The following L3MBTL4 variants were observed in gnomAD, a reference collection of about 807,000 sequenced individuals.
The protein encoded by L3MBTL4 is L3MBTL histone methyl-lysine binding protein 4, also known as lethal(3)malignant brain tumor-like protein 4.
In L3MBTL4, 70 loss-of-function variants were observed where a neutral mutation model predicts 84.5. The ratio of observed to expected loss-of-function variants is 0.83; its 90% CI spans 0.68 to 1.01. The LOEUF is 1.01. L3MBTL4 is among the 50% of genes least tolerant of loss of function. L3MBTL4 has a pLI of 0.00. For missense variants in L3MBTL4, 715 were observed against 754.8 expected (o/e 0.95, Z 0.62); for synonymous variants, 274 against 259.8 (o/e 1.05, Z -0.52).
chr18:6,116,012 G>T (rs1037046717), intron 14 of L3MBTL4, among the ~76,000 whole-genome samples: 12 of 152,174 alleles, frequency 7.9e-5, no homozygotes, highest in Non-Finnish European at 1.0e-4. Context: ...AGCATCTTGG[G>T]AGTGGGTCAA....
intron 1 of L3MBTL4, among the ~76,000 whole-genome samples, chr18:6,349,068 A>G (rs1237943022): frequency 6.6e-6 from 1 of 152,250 alleles, no homozygotes; most frequent in East Asian, 1.9e-4. Flanking sequence ...AGAAGCAATT[A>G]AAACTCTCGT....
chr18:6,274,688 ATAC>A (rs2049008049), intron 4 of L3MBTL4, among the ~76,000 whole-genome samples: 3 of 152,176 alleles, frequency 2.0e-5, no homozygotes, highest in Non-Finnish European at 4.4e-5. Flanking sequence ...TTTAAAAAAG[ATAC>A]TACTGATGGC....
chr18:6,125,634 TGTC>T, intron 14 of L3MBTL4, among the ~76,000 whole-genome samples: 1 of 152,294 alleles, frequency 6.6e-6, no homozygotes, highest in East Asian at 1.9e-4. Context: ...CTTACTATGT[TGTC>T]CAGGCTGGTC....
chr18:6,132,713 A>T (rs2059909696), intron 14 of L3MBTL4, among the ~76,000 whole-genome samples: 1 of 152,238 alleles, frequency 6.6e-6, no homozygotes, highest in African/African-American at 2.4e-5. Context: ...ATTAGATAAT[A>T]CAAAGAAGAA....
chr18:6,202,251 A>G (rs1037282083), intron 12 of L3MBTL4, among the ~76,000 whole-genome samples: 1 of 152,192 alleles, frequency 6.6e-6, no homozygotes. Context: ...TTTGTGAATC[A>G]TTCTTCATTC....
intron 16 of L3MBTL4, among the ~76,000 whole-genome samples, chr18:6,037,126 G>C (rs899238540): frequency 2.6e-5 from 4 of 152,178 alleles, no homozygotes; most frequent in African/African-American, 9.7e-5. Context: ...GCAATCAGCA[G>C]TCAGAGCACA....
At chr18:6,279,748 C>T (rs1199063507) in intron 4 of L3MBTL4, among the ~76,000 whole-genome samples, 4 of 152,084 alleles carry the variant, frequency 2.6e-5, no homozygotes, top group African/African-American at 9.7e-5. Flanking sequence ...TGAATACCAC[C>T]CTGTAAGTCA....
chr18:6,248,003 C>T (rs2047756120), intron 5 of L3MBTL4, among the ~76,000 whole-genome samples: 1 of 152,012 alleles, frequency 6.6e-6, no homozygotes, highest in Non-Finnish European at 1.5e-5. Flanking sequence ...TAGTTACATA[C>T]AAAATGCACA....
chr18:6,158,722 T>C (rs1004438898), intron 13 of L3MBTL4, among the ~76,000 whole-genome samples: 1 of 152,108 alleles, frequency 6.6e-6, no homozygotes, highest in African/African-American at 2.4e-5. Context: ...TACTTACACA[T>C]GGTAGAAGGT....
intron 1 of L3MBTL4, among the ~76,000 whole-genome samples, chr18:6,330,632 C>T (rs1378966209): frequency 1.3e-5 from 2 of 152,234 alleles, no homozygotes; most frequent in East Asian, 3.8e-4. Context: ...TTATTTCCAC[C>T]TTTCCATACA....
At chr18:6,165,948 G>C (rs184121579) in intron 13 of L3MBTL4, among the ~76,000 whole-genome samples, 2 of 152,052 alleles carry the variant, frequency 1.3e-5, no homozygotes. Context: ...CTCACGTGCA[G>C]AGACACACAT....
intron 1 of L3MBTL4, among the ~76,000 whole-genome samples, chr18:6,356,342 C>G (rs1030409949): frequency 6.6e-6 from 1 of 152,236 alleles, no homozygotes; most frequent in African/African-American, 2.4e-5. Flanking sequence ...CTGCCAAACT[C>G]TATTTGTCCC....
intron 16 of L3MBTL4, among the ~76,000 whole-genome samples, chr18:6,014,145 C>T (rs2054856669): frequency 6.6e-6 from 1 of 152,166 alleles, no homozygotes; most frequent in African/African-American, 2.4e-5. Flanking sequence ...TCCTATGGGG[C>T]TGTTGTTGGG....
intron 16 of L3MBTL4, chr18:6,030,794 A>G (rs2058283830): frequency 1.0e-6 from 1 of 984,950 alleles, no homozygotes. Flanking sequence ...CATTGCATTA[A>G]AAACGTCTTA....
At chr18:6,195,231 A>G (rs1260751121) in intron 12 of L3MBTL4, among the ~76,000 whole-genome samples, 1 of 152,152 alleles carries the variant, frequency 6.6e-6, no homozygotes, top group African/African-American at 2.4e-5. Flanking sequence ...GTCCATCAGT[A>G]ACCAGGGTCT....
At chr18:6,313,074 G>C (rs1293255824) in intron 1 of L3MBTL4, among the ~76,000 whole-genome samples, 1 of 152,122 alleles carries the variant, frequency 6.6e-6, no homozygotes, top group Non-Finnish European at 1.5e-5. Context: ...TTTCTACATT[G>C]CATTTCTTGT....
intron 8 of L3MBTL4, 108 bp from the exon 9 acceptor site, chr18:6,239,980 T>A (rs2047387714): frequency 9.1e-7 from 1 of 1,097,134 alleles, no homozygotes; most frequent in African/African-American, 1.6e-5. Context: ...TCTACAGGTG[T>A]CAGCACTTAG....
chr18:6,129,075 T>C (rs1265473762), intron 14 of L3MBTL4, among the ~76,000 whole-genome samples: 1 of 152,008 alleles, frequency 6.6e-6, no homozygotes, highest in Non-Finnish European at 1.5e-5. Context: ...TAACAAGAGA[T>C]ACATGCCTAA....
intron 14 of L3MBTL4, among the ~76,000 whole-genome samples, chr18:6,128,232 CTT>C (rs2059766535): frequency 6.7e-6 from 1 of 148,370 alleles, no homozygotes. Flanking sequence ...AGAAGACAAA[CTT>C]GAGGAGATAT....
Sources: gnomAD v4.1 joint callset for allele counts (sites outside exome capture counted in the v4.1 genomes callset) on GRCh38, gnomAD v4.1.1 for gene constraint, MANE v1.5 for transcripts, NCBI Gene and HGNC (gene_info 2026-07-23, HGNC 2026-07-21) for gene names.